The following ZSCAN5A variants were observed in gnomAD, a reference collection of about 807,000 sequenced individuals.
ZSCAN5A encodes the protein zinc finger and SCAN domain-containing protein 5A.
Under a neutral mutation model 23.7 loss-of-function variants are expected in ZSCAN5A, and 12 were observed. That is an observed-to-expected ratio of 0.51 (90% CI 0.32 to 0.82). The LOEUF (loss-of-function observed/expected upper bound fraction) is 0.82, where lower values mean the gene tolerates loss of function less well. ZSCAN5A is among the 40% of genes least tolerant of loss of function. The probability of loss-of-function intolerance (pLI) is 0.03; values close to 1 mark genes in which losing one functional copy is unlikely to be tolerated. For missense variants in ZSCAN5A, 597 were observed against 617.9 expected (o/e 0.97, Z 0.36); for synonymous variants, 257 against 239.9 (o/e 1.07, Z -0.66).
intron 2 of ZSCAN5A, chr19:56,320,175 G>T: frequency 1.4e-6 from 1 of 695,698 alleles, no homozygotes; most frequent in South Asian, 1.4e-5. Flanking sequence ...CTTCCTGGTT[G>T]TTTCAAGTTG....
At chr19:56,255,287 G>A (rs2036617274) in intron 2 of ZSCAN5A, among the ~76,000 whole-genome samples, 1 of 152,032 alleles carries the variant, frequency 6.6e-6, no homozygotes, top group African/African-American at 2.4e-5. Context: ...TTCCAAGAAC[G>A]TCAATATTGA....
chr19:56,333,332 T>G lies in ZSCAN5A; in HGVS notation c.-357-17064A>C, dbSNP rs559289879. Reference sequence around the variant, plus strand: ...TTGGTCACTTTATATAATCCCATCTTTCTCAAAGACTTTATTTTTTTTTTA... The same window carrying G: ...TTGGTCACTTTATATAATCCCATCTGTCTCAAAGACTTTATTTTTTTTTTA... On this transcript the variant is annotated intron_variant, in intron 2 of 6. Transcript: ENST00000587340. Among the ~76,000 whole-genome samples, 3 of 152,192 alleles carry G rather than the reference T, an allele frequency of 2.0e-5. No homozygotes were observed. In the East Asian group the frequency reaches 5.8e-4, roughly 29 times the overall value.
upstream of ZSCAN5A, chr19:56,315,288 T>C (rs1353021708): frequency 6.6e-6 from 1 of 152,246 alleles, no homozygotes; most frequent in African/African-American, 2.4e-5. Context: ...TTGAGGCGTG[T>C]CTTCCCTGGT....
rs1262710280 is a variant in ZSCAN5A at position 56,221,758 on chromosome 19, C to T, written c.1308G>A (p.Gly436=). 6.2e-7 allele frequency: 1 copy of T among 1,614,168 alleles called. No homozygotes were observed. The highest frequency in any genetic ancestry group is 1.3e-5 in the African/African-American group (1 of 75,042). ...AGTCTTTACATTCGAAGGGCTTCTC[C>T]CCTGTGTGGCTTCTCTTGTGACACT... ...YLKCHKRSHT[G]EKPFECKDCK... is the part of the protein sequence containing the mutation. Residue 436 remains glycine, a synonymous_variant, in exon 6 of 6, where the codon GGG becomes GGA. Transcript: ENST00000683990.
chr19:56,319,215 T>C (rs768810191), upstream of ZSCAN5A, among the ~76,000 whole-genome samples: 1 of 152,050 alleles, frequency 6.6e-6, no homozygotes, highest in Admixed American at 6.6e-5. Context: ...TCAGAACTTA[T>C]GGCTGGGTGC....
At chr19:56,333,414 T>A (rs1365751216) in intron 2 of ZSCAN5A, among the ~76,000 whole-genome samples, 1 of 151,912 alleles carries the variant, frequency 6.6e-6, no homozygotes, top group Non-Finnish European at 1.5e-5. Flanking sequence ...CGAAATTCGT[T>A]CTTCTGCTTG....
intron 1 of ZSCAN5A, among the ~76,000 whole-genome samples, chr19:56,365,214 A>ATGTATG (rs1292479075): frequency 1.3e-5 from 2 of 152,214 alleles, no homozygotes; most frequent in African/African-American, 4.8e-5. Flanking sequence ...TGAGAAATGT[A>ATGTATG]CATAATGGGT....
intron 2 of ZSCAN5A, among the ~76,000 whole-genome samples, chr19:56,339,742 C>T (rs8103436): frequency 0.11 from 6,419 of 60,216 alleles, 121 homozygotes; most frequent in East Asian, 0.19. Flanking sequence ...GAAGGAGCGG[C>T]TGTAGCCGCA....
At chr19:56,307,524 G>A (rs1478255312) in intron 2 of ZSCAN5A, among the ~76,000 whole-genome samples, 1 of 152,200 alleles carries the variant, frequency 6.6e-6, no homozygotes, top group African/African-American at 2.4e-5. Context: ...GTGAGGTGAT[G>A]AGATTTGCAA....
intron 2 of ZSCAN5A, chr19:56,343,039 G>T: frequency 1.2e-6 from 1 of 811,768 alleles, no homozygotes; most frequent in South Asian, 1.3e-5. Context: ...CTTTCCCCCA[G>T]AACTGTCAGA....
chr19:56,322,050 A>G, intron 2 of ZSCAN5A: 1 of 773,632 alleles, frequency 1.3e-6, no homozygotes, highest in Non-Finnish European at 2.4e-6. Context: ...TGGTGACGGC[A>G]TCTAGTGCAC....
At chr19:56,234,291 C>G (rs944517652) in intron 2 of ZSCAN5A, among the ~76,000 whole-genome samples, 1 of 152,058 alleles carries the variant, frequency 6.6e-6, no homozygotes, top group Non-Finnish European at 1.5e-5. Context: ...CTGGGCTCCC[C>G]GGTTCAGGTC....
chr19:56,245,526 G>T, intron 2 of ZSCAN5A: 1 of 370,492 alleles, frequency 2.7e-6, no homozygotes. Flanking sequence ...CACAGGACAA[G>T]AACAGAGACA....
At chr19:56,304,877 T>A in intron 2 of ZSCAN5A, 1 of 802,584 alleles carries the variant, frequency 1.2e-6, no homozygotes, top group Non-Finnish European at 1.5e-6. Flanking sequence ...TGGGGTGGGG[T>A]TAGGGGAGGT....
At chr19:56,229,011 C>A (rs1177105740) in intron 2 of ZSCAN5A, among the ~76,000 whole-genome samples, 4 of 152,142 alleles carry the variant, frequency 2.6e-5, no homozygotes, top group African/African-American at 9.7e-5. Context: ...TACGGGGTTC[C>A]CTAGTTCTCA....
chr19:56,329,087 A>G (rs536608651), intron 2 of ZSCAN5A, among the ~76,000 whole-genome samples: 1 of 151,620 alleles, frequency 6.6e-6, no homozygotes, highest in African/African-American at 2.4e-5. Flanking sequence ...GGTGGCTCAT[A>G]CCTGTAATCC....
chr19:56,230,949 G>T (rs1368123522), intron 2 of ZSCAN5A, among the ~76,000 whole-genome samples: 2 of 152,154 alleles, frequency 1.3e-5, no homozygotes, highest in Non-Finnish European at 2.9e-5. Flanking sequence ...TGTACTGAAA[G>T]TGACAATCAG....
chr19:56,312,008 A>G lies in ZSCAN5A; in HGVS notation c.-128+1275T>C, dbSNP rs188067620. ...GAGCCACACTTATTTCACACTTCCTACTAGCCCAGAAGCCCGGTAAAATCA... is the reference window on the plus strand; with the variant it reads ...GAGCCACACTTATTTCACACTTCCTGCTAGCCCAGAAGCCCGGTAAAATCA... On this transcript the variant is annotated intron_variant, in intron 2 of 5. Coordinates refer to ENST00000683990, the MANE Select transcript of ZSCAN5A (RefSeq NM_001322064.3). The G allele has an allele frequency of 2.1e-3, 314 of 152,322 alleles. 1 individual carries two copies. The highest frequency in any genetic ancestry group is 7.2e-3 in the African/African-American group (300 of 41,562). 9.4% of individuals were successfully genotyped at this position (152,322 alleles called of 1,614,324 possible). A position where few individuals can be genotyped will look rare whatever the true frequency, so the allele number is the denominator to read the frequency against.
At chr19:56,318,521 A>C (rs1238033380), upstream of ZSCAN5A, among the ~76,000 whole-genome samples, 1 of 152,180 alleles carries the variant, frequency 6.6e-6, no homozygotes, top group Non-Finnish European at 1.5e-5. Flanking sequence ...TCTAGTACTG[A>C]GCTTGCACTG....
Sources: gnomAD v4.1 joint callset for allele counts (sites outside exome capture counted in the v4.1 genomes callset) on GRCh38, gnomAD v4.1.1 for gene constraint, MANE v1.5 for transcripts, NCBI Gene and HGNC (gene_info 2026-07-23, HGNC 2026-07-21) for gene names.